The following CNTN1 variants were observed in gnomAD, a reference collection of about 807,000 sequenced individuals.
CNTN1 encodes contactin 1.
CNTN1 carries 38 observed loss-of-function variants against 126.4 expected under a neutral mutation model. The ratio of observed to expected loss-of-function variants is 0.30; its 90% confidence interval spans 0.23 to 0.39. CNTN1 has a LOEUF of 0.39. Ranked by LOEUF, CNTN1 falls within the 10% of genes least tolerant of loss-of-function variation. The pLI, the probability that CNTN1 is intolerant of heterozygous loss-of-function variation, is 1.00. For missense variants in CNTN1, 1,009 were observed against 1,248.4 expected (o/e 0.81, Z 2.89); for synonymous variants, 413 against 422.6 (o/e 0.98, Z 0.28).
intron 1 of CNTN1, among the ~76,000 whole-genome samples, chr12:40,722,825 C>T (rs1398259679): frequency 2.6e-5 from 4 of 151,926 alleles, no homozygotes; most frequent in African/African-American, 9.7e-5. Flanking sequence ...GTAAGAAAAC[C>T]TCTGCATATA....
intron 14 of CNTN1, among the ~76,000 whole-genome samples, chr12:40,949,569 C>CTTTTTTTTTTT (rs36070275): frequency 3.1e-5 from 2 of 64,304 alleles, no homozygotes; most frequent in African/African-American, 6.6e-5. Context: ...TCTTTTCTTT[C>CTTTTTTTTTTT]TTTTTTTTTT....
chr12:41,002,286 ATTTG>A (rs914659291), intron 17 of CNTN1, among the ~76,000 whole-genome samples: 1 of 150,730 alleles, frequency 6.6e-6, no homozygotes, highest in Non-Finnish European at 1.5e-5. Flanking sequence ...ATGTTTTTCC[ATTTG>A]TTTGTATCAT....
intron 1 of CNTN1, among the ~76,000 whole-genome samples, chr12:40,846,139 G>A (rs1942490904): frequency 6.6e-6 from 1 of 152,068 alleles, no homozygotes; most frequent in Non-Finnish European, 1.5e-5. Context: ...ATACAAAAAG[G>A]ACAGAGCAAA....
At chr12:40,973,256 A>G (rs1362173656) in intron 15 of CNTN1, among the ~76,000 whole-genome samples, 1 of 152,130 alleles carries the variant, frequency 6.6e-6, no homozygotes, top group African/African-American at 2.4e-5. Flanking sequence ...TCTTAGTACA[A>G]CTTCAAACAT....
intron 1 of CNTN1, among the ~76,000 whole-genome samples, chr12:40,786,635 A>G (rs1940032471): frequency 6.6e-6 from 1 of 152,198 alleles, no homozygotes. Flanking sequence ...AAACTGAAGC[A>G]GGATAAATTA....
At chr12:41,020,941 A>G (rs1384399304) in intron 20 of CNTN1, among the ~76,000 whole-genome samples, 2 of 152,220 alleles carry the variant, frequency 1.3e-5, no homozygotes, top group Non-Finnish European at 2.9e-5. Context: ...CTTGAGCTTA[A>G]TTTTAAAGAA....
intron 1 of CNTN1, among the ~76,000 whole-genome samples, chr12:40,859,411 G>A (rs1943040710): frequency 1.3e-5 from 2 of 152,048 alleles, no homozygotes; most frequent in South Asian, 2.1e-4. Flanking sequence ...CGGAAACTGT[G>A]TGGGCAGATG....
intron 1 of CNTN1, among the ~76,000 whole-genome samples, chr12:40,804,849 C>CT (rs1016288105): frequency 1.3e-5 from 2 of 151,388 alleles, no homozygotes; most frequent in South Asian, 2.1e-4. Flanking sequence ...TTATCTCAGT[C>CT]TTTTTTTTCT....
chr12:40,927,577 G>A (rs374711432), intron 6 of CNTN1, among the ~76,000 whole-genome samples: 1 of 152,040 alleles, frequency 6.6e-6, no homozygotes. Flanking sequence ...TTGTTGTAAC[G>A]ATTGCTGACA....
intron 1 of CNTN1, among the ~76,000 whole-genome samples, chr12:40,823,523 G>A (rs1941514996): frequency 6.6e-6 from 1 of 152,096 alleles, no homozygotes; most frequent in Non-Finnish European, 1.5e-5. Context: ...ATTTTTCCAG[G>A]CTTACTGTAT....
At chr12:40,696,329 C>G (rs909558761) in intron 1 of CNTN1, among the ~76,000 whole-genome samples, 3 of 152,178 alleles carry the variant, frequency 2.0e-5, no homozygotes, top group African/African-American at 7.2e-5. Context: ...TCCAAGTGTT[C>G]ACCATATAGT....
chr12:40,820,161 C>T (rs889198892), intron 1 of CNTN1, among the ~76,000 whole-genome samples: 2 of 152,164 alleles, frequency 1.3e-5, no homozygotes, highest in Admixed American at 1.3e-4. Context: ...GCAGAGATGA[C>T]ATGGTAAGAG....
At chr12:41,042,847 A>G (rs1451986020) in intron 23 of CNTN1, among the ~76,000 whole-genome samples, 1 of 152,122 alleles carries the variant, frequency 6.6e-6, no homozygotes, top group Non-Finnish European at 1.5e-5. Context: ...ATAATGCCGC[A>G]TATCTACAAC....
chr12:40,860,709 G>C (rs1435167841), intron 1 of CNTN1, among the ~76,000 whole-genome samples: 1 of 152,122 alleles, frequency 6.6e-6, no homozygotes, highest in Non-Finnish European at 1.5e-5. Context: ...ACTCTCTCTA[G>C]GCATGCCACT....
chr12:40,943,900 C>T, intron 13 of CNTN1, 95 bp from the exon 14 acceptor site: 1 of 1,389,370 alleles, frequency 7.2e-7, no homozygotes, highest in Non-Finnish European at 9.9e-7. Context: ...TATTATTTTG[C>T]ACAAATAAAA....
chr12:40,848,870 G>A (rs1454093833), intron 1 of CNTN1, among the ~76,000 whole-genome samples: 1 of 149,130 alleles, frequency 6.7e-6, no homozygotes, highest in Admixed American at 6.7e-5. Context: ...TGGTTATAAA[G>A]GAGAAAAATC....
chr12:40,913,806 C>T (rs1009636538), intron 3 of CNTN1, among the ~76,000 whole-genome samples: 7 of 152,128 alleles, frequency 4.6e-5, no homozygotes, highest in African/African-American at 1.7e-4. Flanking sequence ...CTCTCATTTA[C>T]ATTAGTAAAT....
intron 17 of CNTN1, among the ~76,000 whole-genome samples, chr12:41,008,128 G>T (rs1475546491): frequency 6.6e-6 from 1 of 152,158 alleles, no homozygotes; most frequent in Non-Finnish European, 1.5e-5. Flanking sequence ...AGCAGCTATG[G>T]CTCCTCCTGG....
At chr12:41,059,378 G>A (rs1370701197) in intron 23 of CNTN1, among the ~76,000 whole-genome samples, 2 of 152,158 alleles carry the variant, frequency 1.3e-5, no homozygotes, top group African/African-American at 2.4e-5. Context: ...GTGAGAGAAT[G>A]GGATTATTGG....
Sources: gnomAD v4.1 joint callset for allele counts (sites outside exome capture counted in the v4.1 genomes callset) on GRCh38, gnomAD v4.1.1 for gene constraint, MANE v1.5 for transcripts, NCBI Gene and HGNC (gene_info 2026-07-23, HGNC 2026-07-21) for gene names.